Variants in PROSER2 observed in about 807,000 individuals in gnomAD.
PROSER2 encodes the protein proline and serine-rich protein 2.
PROSER2 carries 18 observed loss-of-function variants against 14.6 expected under a neutral mutation model. That is an observed-to-expected ratio of 1.23 (90% CI 0.85 to 1.83). The LOEUF is 1.83. Ranked by LOEUF, PROSER2 falls within the 40% of genes most tolerant of loss-of-function variation. The pLI is 0.00. For synonymous variants in PROSER2, 367 were observed against 286.4 expected (o/e 1.28, Z -2.84); for missense variants, 823 against 629.8 (o/e 1.31, Z -3.28).
In PROSER2 at chr10:11,870,331, C is replaced by CGCGG; in HGVS notation, c.1236_1239dup (p.Arg414GlyfsTer80). 1 of 1,503,682 alleles carries CGCGG rather than the reference C, an allele frequency of 6.7e-7. No homozygotes were observed. Among genetic ancestry groups the CGCGG allele is most frequent in the Non-Finnish European group, 8.8e-7 (1 of 1,130,036 alleles). 93.1% of individuals were successfully genotyped at this position (1,503,682 alleles called of 1,614,324 possible). A position where few individuals can be genotyped will look rare whatever the true frequency, so the allele number is the denominator to read the frequency against. On this transcript the variant is annotated frameshift_variant, in exon 4 of 4. Coordinates refer to ENST00000277570, the MANE Select transcript of PROSER2 (RefSeq NM_153256.4). LOFTEE classifies it high-confidence loss of function. ...GGCCCCAGGGCATCACCGTGCAGTT[C>CGCGG]GCGGGCCGCGGCTCCTCGGAGGAGG...
intron 2 of PROSER2, among the ~76,000 whole-genome samples, chr10:11,860,118 C>T (rs1834206103): frequency 6.6e-6 from 1 of 152,216 alleles, no homozygotes; most frequent in Non-Finnish European, 1.5e-5. Context: ...CAGGATTAGG[C>T]AGCGGACAGC....
intron 1 of PROSER2, chr10:11,849,700 G>C (rs1833983482): frequency 6.6e-6 from 1 of 152,270 alleles, no homozygotes; most frequent in Admixed American, 6.5e-5. Flanking sequence ...GATGTTTCAA[G>C]ATTAATCCAA....
Position 11,838,249 on chromosome 10 carries a change from A to G in PROSER2, c.-81-13748A>G, listed in dbSNP as rs2131054486. On this transcript the variant is annotated intron_variant, in intron 1 of 3. Transcript: ENST00000277570. The surrounding 1 kb of genome is among the most constrained non-coding windows in gnomAD (Gnocchi z 4.4). ...TCGGGCCTGGCTATGCATGTAAAAT[A>G]CAGCGCTGGGTTTTAAATGTACATG... Among the ~76,000 whole-genome samples the G allele has an allele frequency of 6.6e-6, 1 of 152,128 alleles. No homozygotes were observed. Among genetic ancestry groups the G allele is most frequent in the African/African-American group, 2.4e-5 (1 of 41,522 alleles).
rs1833764268 is a variant in PROSER2, at chr10:11,836,618, G to A, written c.-82+13148G>A. Reference sequence around the variant, plus strand: ...TTCCTAGCGTGTAGGTGTGCACTTTGACCCTGCTGTAGTGTGTAAGTATGC... The same window carrying A: ...TTCCTAGCGTGTAGGTGTGCACTTTAACCCTGCTGTAGTGTGTAAGTATGC... On this transcript the variant is annotated intron_variant, in intron 1 of 3. Transcript: ENST00000277570. This position sits in a 1 kb window ranked among gnomAD's most constrained non-coding sequence, Gnocchi z 4.6. 6.6e-6 allele frequency among the ~76,000 whole-genome samples: 1 copy of A among 152,136 alleles called. No individual in the cohort carries two copies. The highest frequency in any genetic ancestry group is 1.5e-5 in the Non-Finnish European group (1 of 68,026).
In PROSER2 at chr10:11,856,195, A is replaced by C. The variant is rs753757361; in HGVS notation, c.138+3980A>C. Among the ~76,000 whole-genome samples, 2 of 152,142 alleles carry C rather than the reference A, an allele frequency of 1.3e-5. No homozygotes were observed. The highest frequency in any genetic ancestry group is 6.6e-5 in the Admixed American group (1 of 15,266). On this transcript the variant is annotated intron_variant, in intron 2 of 3. Transcript: ENST00000277570. This position sits in a 1 kb window ranked among gnomAD's most constrained non-coding sequence, Gnocchi z 5.3. ...ATAAAAGGCCCGAGAAGGGCTTGAG[A>C]TGTCCATATGTGACAGCTCTCCTCT... is the stretch of plus-strand genomic sequence containing the variant.
chr10:11,869,651 C>G lies in PROSER2; in HGVS notation c.553C>G (p.Pro185Ala). 6.2e-7 allele frequency: 1 copy of G among 1,601,892 alleles called. No homozygotes were observed. The highest frequency in any genetic ancestry group is 1.1e-5 in the South Asian group (1 of 89,280). ...CGCCCCCTCCCCGCCGGTGGAGCAC[C>G]CCAGACTCCTGCGCTCTGTTCCCAC... The part of the protein sequence containing the change: ...LRAPSPPVEH[P>A]RLLRSVPTPL... Residue 185 changes from proline (P) to alanine (A), a missense_variant, in exon 4 of 4, where the codon CCC becomes GCC. Coordinates refer to ENST00000277570, the MANE Select transcript of PROSER2 (RefSeq NM_153256.4). This position sits in a 1 kb window ranked among gnomAD's most constrained non-coding sequence, Gnocchi z 4.4.
In PROSER2 at chr10:11,837,817, A is replaced by G. The variant is rs184968626; in HGVS notation, c.-81-14180A>G. ...TTTGTTCCAGCTTAGATTCTTCAGT[A>G]AAGTGCGTTGGGTTAACCGTTCCCT... On this transcript the variant is annotated intron_variant, in intron 1 of 3. Transcript: ENST00000277570. The surrounding 1 kb of genome is among the most constrained non-coding windows in gnomAD (Gnocchi z 4.6). Among the ~76,000 whole-genome samples, 1 of 152,324 alleles carries G rather than the reference A, an allele frequency of 6.6e-6. No individual in the cohort carries two copies. The highest frequency in any genetic ancestry group is 1.5e-5 in the Non-Finnish European group (1 of 68,030).
At chr10:11,857,015 C>A (rs1240460234) in intron 2 of PROSER2, among the ~76,000 whole-genome samples, 2 of 152,222 alleles carry the variant, frequency 1.3e-5, no homozygotes, top group African/African-American at 4.8e-5. Flanking sequence ...TAAAACATAA[C>A]TCAGTAGCTT....
intron 1 of PROSER2, among the ~76,000 whole-genome samples, chr10:11,841,709 C>A (rs1224736616): frequency 2.0e-5 from 3 of 152,130 alleles, no homozygotes; most frequent in Non-Finnish European, 4.4e-5. Flanking sequence ...CTATTGATTT[C>A]TAATTTAATT....
chr10:11,869,608 C>A lies in PROSER2; in HGVS notation c.510C>A (p.Pro170=). The A allele has an allele frequency of 6.2e-7, 1 of 1,605,834 alleles. No homozygotes were observed. Among genetic ancestry groups the A allele is most frequent in the Non-Finnish European group, 8.5e-7 (1 of 1,174,534 alleles). ...APPPLPSTPD[P]PRRELRAPSP... is the part of the protein sequence containing the mutation. Reference sequence around the variant, plus strand: ...CACCCCTGCCTAGCACCCCCGATCCCCCCAGGAGGGAGCTGCGCGCCCCCT... The same window carrying A: ...CACCCCTGCCTAGCACCCCCGATCCACCCAGGAGGGAGCTGCGCGCCCCCT... Residue 170 remains proline, a synonymous_variant, in exon 4 of 4, where the codon CCC becomes CCA. Coordinates refer to ENST00000277570, the MANE Select transcript of PROSER2 (RefSeq NM_153256.4). This position sits in a 1 kb window ranked among gnomAD's most constrained non-coding sequence, Gnocchi z 4.4.
chr10:11,864,761 G>T (rs1834312197), intron 2 of PROSER2, among the ~76,000 whole-genome samples: 2 of 151,872 alleles, frequency 1.3e-5, no homozygotes, highest in African/African-American at 2.4e-5. Flanking sequence ...GCTAATTTTT[G>T]TATCTTTAGT....
intron 2 of PROSER2, among the ~76,000 whole-genome samples, chr10:11,858,231 A>T (rs993667226): frequency 6.6e-6 from 1 of 152,218 alleles, no homozygotes; most frequent in South Asian, 2.1e-4. Context: ...CGCCTGGCCA[A>T]TTCAGCTGTT....
Sources: allele counts gnomAD v4.1 joint callset (sites outside exome capture counted in the v4.1 genomes callset), GRCh38; gene constraint gnomAD v4.1.1; non-coding constraint Gnocchi (gnomAD v3.1); transcripts MANE v1.5; gene names NCBI Gene and HGNC (gene_info 2026-07-23, HGNC 2026-07-21).